The following COQ6 variants were observed in gnomAD, a reference collection of about 807,000 sequenced individuals.
The protein encoded by COQ6 is coenzyme Q6, monooxygenase.
A neutral mutation model predicts 55.5 loss-of-function variants in COQ6; 45 were observed. That is an observed-to-expected ratio of 0.81 (90% CI 0.64 to 1.04). The LOEUF is 1.04. Ranked by LOEUF, COQ6 falls within the 50% of genes least tolerant of loss-of-function variation. The pLI is 0.00. For missense variants in COQ6, 550 were observed against 601.3 expected (o/e 0.91, Z 0.89); for synonymous variants, 206 against 230.5 (o/e 0.89, Z 0.96).
chr14:73,953,831 A>G, intron 2 of COQ6: 1 of 555,768 alleles, frequency 1.8e-6, no homozygotes, highest in Non-Finnish European at 3.2e-6. Context: ...ATGTTGTGTC[A>G]TTATGAATTG....
At chr14:73,950,142 C>T, upstream of COQ6, 1 of 1,595,464 alleles carries the variant, frequency 6.3e-7, no homozygotes, top group Non-Finnish European at 8.5e-7. Flanking sequence ...TGGTTGGCTT[C>T]CAGGGCAGCC....
At chr14:73,950,252 C>T, upstream of COQ6, 1 of 1,538,518 alleles carries the variant, frequency 6.5e-7, no homozygotes. Context: ...GGAAGCGGGA[C>T]GGGATTGGAG....
At chr14:73,960,549 A>G (rs2056667987) in intron 8 of COQ6, 1 of 1,005,484 alleles carries the variant, frequency 9.9e-7, no homozygotes, top group Admixed American at 5.1e-5. Context: ...TGGGCCATTT[A>G]GTATATATTC....
chr14:73,954,881 G>A (rs2056349936), intron 2 of COQ6, among the ~76,000 whole-genome samples: 1 of 147,038 alleles, frequency 6.8e-6, no homozygotes. Flanking sequence ...TTTGGTTTTC[G>A]TTTTTAATTT....
At chr14:73,953,272 G>A (rs541421257) in intron 1 of COQ6, among the ~76,000 whole-genome samples, 163 bp from the exon 2 acceptor site, 1 of 152,168 alleles carries the variant, frequency 6.6e-6, no homozygotes, top group African/African-American at 2.4e-5. Flanking sequence ...TAGCTAAAAT[G>A]GTGGTATATG....
chr14:73,961,411 A>G, intron 9 of COQ6, 36 bp downstream of exon 9: 1 of 1,613,992 alleles, frequency 6.2e-7, no homozygotes, highest in Non-Finnish European at 8.5e-7. Flanking sequence ...CTCCCTTCTC[A>G]CTTTGCTGCC....
In COQ6 at chr14:73,961,956, CT is replaced by C. The variant is rs996483757; in HGVS notation, c.1377+61del. 1.4e-5 allele frequency: 23 copies of C among 1,599,160 alleles called. 1 individual carries two copies. The highest frequency in any genetic ancestry group is 1.0e-4 in the Admixed American group (6 of 59,924). On this transcript the variant is annotated intron_variant, in intron 11 of 11. Transcript: ENST00000334571. ...TGCAAACAGCTCTTAATTTCTTTTG[CT>C]TTTTTTTGAAACAGAGTCTTGGTCT...
intron 1 of COQ6, chr14:73,950,721 G>C: frequency 3.3e-6 from 2 of 606,674 alleles, no homozygotes; most frequent in Non-Finnish European, 5.6e-6. Flanking sequence ...TCTACTCATG[G>C]GAAAACAGGC....
At chr14:73,958,818 T>G (rs2056567087) in intron 5 of COQ6, 153 bp from the exon 6 acceptor site, 3 of 1,529,342 alleles carry the variant, frequency 2.0e-6, no homozygotes, top group Non-Finnish European at 2.6e-6. Flanking sequence ...GTGCAGGGGC[T>G]CCACCTCTAG....
rs771349134 is a variant in COQ6, at chr14:73,961,374, G to T, written c.1093G>T (p.Gly365Trp). The T allele has an allele frequency of 1.9e-6, 3 of 1,614,200 alleles. No homozygotes were observed. Among genetic ancestry groups the T allele is most frequent in the Non-Finnish European group, 1.7e-6 (2 of 1,180,038 alleles). The change falls in exon 9 of 12, where the codon GGG becomes TGG. Residue 365 changes from glycine (G) to tryptophan (W), a missense_variant and splice_region_variant. Physicochemically the swap from Gly to Trp is radical, Grantham distance 184. Coordinates refer to ENST00000334571, the MANE Select transcript of COQ6 (RefSeq NM_182476.3). ...CGTCAGGCCTCGGGTGGCGCTCATT[G>T]GGTAAGACGATAACAGAGCAGGGCC... is the stretch of plus-strand genomic sequence containing the variant. ...EYVRPRVALI[G>W]DAAHRVHPLA...
At chr14:73,954,808 C>T (rs528755719) in intron 2 of COQ6, among the ~76,000 whole-genome samples, 49 of 132,598 alleles carry the variant, frequency 3.7e-4, no homozygotes, top group Middle Eastern at 9.3e-3. Context: ...CCCGCCACTG[C>T]ACTCCAGCCT....
At chr14:73,951,649 A>ATTTTTTT (rs35049412) in intron 1 of COQ6, among the ~76,000 whole-genome samples, 1 of 135,700 alleles carries the variant, frequency 7.4e-6, no homozygotes, top group Admixed American at 7.3e-5. Context: ...TTTTTTTGTG[A>ATTTTTTT]TTTTTTTTTT....
intron 8 of COQ6, 138 bp downstream of exon 8, chr14:73,959,660 C>G: frequency 6.7e-7 from 1 of 1,487,618 alleles, no homozygotes; most frequent in Non-Finnish European, 9.1e-7. Flanking sequence ...ATCTCCGCCT[C>G]CCGGGTTCAA....
intron 4 of COQ6, among the ~76,000 whole-genome samples, chr14:73,957,179 G>A (rs1221589393): frequency 4.6e-5 from 7 of 151,618 alleles, no homozygotes; most frequent in Admixed American, 3.3e-4. Context: ...CTCACTGCAA[G>A]CTCGGCCTCC....
At chr14:73,960,318 ATCT>A in intron 8 of COQ6, 1 of 986,430 alleles carries the variant, frequency 1.0e-6, no homozygotes, top group Non-Finnish European at 1.2e-6. Flanking sequence ...TCCATGGAAC[ATCT>A]TTAGTACATT....
rs1263876689 is a variant in COQ6 at position 73,955,451 on chromosome 14, G to C, written c.299G>C (p.Ser100Thr). The change falls in exon 3 of 12, where the codon AGT becomes ACT. Residue 100 changes from serine to threonine, a missense_variant and splice_region_variant. Ser to Thr is a moderately conservative substitution (Grantham distance 58). Transcript: ENST00000334571. The part of the protein sequence containing the change: ...ISPGSATLLS[S>T]FGAWDHICNM... ...GGTCTATAGATCCTTTCTTTTGTAG[G>C]TTTTGGTGCCTGGGACCATATCTGC... The C allele has an allele frequency of 6.2e-7, 1 of 1,613,824 alleles. No homozygotes were observed.
chr14:73,958,940 G>C, intron 5 of COQ6, 31 bp from the exon 6 acceptor site: 2 of 1,612,692 alleles, frequency 1.2e-6, no homozygotes, highest in Non-Finnish European at 8.5e-7. Flanking sequence ...GAAGAGGCTG[G>C]AAGACTTAGC....
chr14:73,958,787 T>G, intron 5 of COQ6, 184 bp from the exon 6 acceptor site: 1 of 1,500,774 alleles, frequency 6.7e-7, no homozygotes, highest in Non-Finnish European at 8.9e-7. Flanking sequence ...TTTGGCTCTG[T>G]TGGCTGAGGC....
chr14:73,950,119 T>C, upstream of COQ6: 1 of 1,601,008 alleles, frequency 6.2e-7, no homozygotes, highest in East Asian at 2.2e-5. Context: ...CACCCCTTTC[T>C]AGCTTTGGCG....
Sources: allele counts gnomAD v4.1 joint callset (sites outside exome capture counted in the v4.1 genomes callset), GRCh38; gene constraint gnomAD v4.1.1; transcripts MANE v1.5; gene names NCBI Gene and HGNC (gene_info 2026-07-23, HGNC 2026-07-21).